SUPT3H: variants seen among roughly 807,000 people sequenced by gnomAD.
SUPT3H encodes transcription initiation protein SPT3 homolog.
A neutral mutation model predicts 44.3 loss-of-function variants in SUPT3H; 44 were observed. The observed-to-expected ratio is 0.99, with a 90% CI of 0.78 to 1.28. The LOEUF (loss-of-function observed/expected upper bound fraction) is 1.28. Ranked by LOEUF, SUPT3H falls within the 50% of genes most tolerant of loss-of-function variation. The pLI is 0.00. For synonymous variants in SUPT3H, 124 were observed against 125.6 expected, an observed-to-expected ratio of 0.99 and a Z score of 0.09; for missense variants, 380 against 387.1, an observed-to-expected ratio of 0.98 and a Z score of 0.15.
intron 2 of SUPT3H, among the ~76,000 whole-genome samples, chr6:45,296,352 G>A (rs952110168): frequency 1.2e-4 from 18 of 152,024 alleles, no homozygotes; most frequent in African/African-American, 4.3e-4. Flanking sequence ...CTAATAAGTG[G>A]GAGCTAAGCT....
At chr6:45,140,251 T>A (rs1804963048) in intron 2 of SUPT3H, among the ~76,000 whole-genome samples, 1 of 151,906 alleles carries the variant, frequency 6.6e-6, no homozygotes, top group Non-Finnish European at 1.5e-5. Context: ...CAGACCCACC[T>A]AAGCACGCCC....
chr6:44,866,863 A>C (rs951678525), intron 10 of SUPT3H, among the ~76,000 whole-genome samples: 1 of 152,234 alleles, frequency 6.6e-6, no homozygotes, highest in Non-Finnish European at 1.5e-5. Context: ...GTGTAAACAC[A>C]AATCATTACC....
chr6:45,072,241 T>G (rs1454142721), intron 3 of SUPT3H, among the ~76,000 whole-genome samples: 1 of 152,100 alleles, frequency 6.6e-6, no homozygotes, highest in African/African-American at 2.4e-5. Flanking sequence ...CACCAACTAT[T>G]TCATCAAACC....
intron 2 of SUPT3H, among the ~76,000 whole-genome samples, chr6:45,252,321 T>C (rs1216798250): frequency 2.6e-5 from 4 of 152,196 alleles, no homozygotes; most frequent in African/African-American, 9.6e-5. Context: ...AAATGAGTAA[T>C]GCACAATTTA....
intron 10 of SUPT3H, among the ~76,000 whole-genome samples, chr6:44,895,058 A>T (rs530155297): frequency 1.3e-5 from 2 of 152,162 alleles, no homozygotes; most frequent in East Asian, 3.9e-4. Flanking sequence ...TTACCATTCA[A>T]TACTTAAACA....
At chr6:45,119,257 G>C (rs555048985) in intron 2 of SUPT3H, among the ~76,000 whole-genome samples, 40 of 152,216 alleles carry the variant, frequency 2.6e-4, no homozygotes, top group African/African-American at 9.6e-4. Flanking sequence ...TAGTTACATA[G>C]TCATACTTTT....
At chr6:45,264,769 A>G (rs562995229) in intron 2 of SUPT3H, among the ~76,000 whole-genome samples, 1 of 152,164 alleles carries the variant, frequency 6.6e-6, no homozygotes, top group South Asian at 2.1e-4. Flanking sequence ...CCAAGAAAGG[A>G]AGGGAGGGAA....
At chr6:45,151,675 A>G (rs1460959814) in intron 2 of SUPT3H, among the ~76,000 whole-genome samples, 1 of 152,192 alleles carries the variant, frequency 6.6e-6, no homozygotes, top group Non-Finnish European at 1.5e-5. Flanking sequence ...TAAAAATGTA[A>G]TTCTAATTCA....
chr6:44,907,273 G>T (rs1244270179), intron 10 of SUPT3H, among the ~76,000 whole-genome samples: 1 of 152,160 alleles, frequency 6.6e-6, no homozygotes, highest in Non-Finnish European at 1.5e-5. Flanking sequence ...ATTGTTTAAA[G>T]GTGGGAAATG....
Position 45,101,600 on chromosome 6 carries a change from T to C in SUPT3H, c.186+4322A>G, listed in dbSNP as rs138630036. Among the ~76,000 whole-genome samples, 1,381 of 152,288 alleles carry C rather than the reference T, an allele frequency of 9.1e-3. 14 individuals are homozygous for C. Among genetic ancestry groups the C allele is most frequent in the South Asian group, 0.028 (137 of 4,820 alleles). On this transcript the variant is annotated intron_variant, in intron 3 of 10. Coordinates refer to ENST00000371459, the MANE Select transcript of SUPT3H (RefSeq NM_003599.4). ...CCATAGCATTATGTAGTGACTATAA[T>C]AGTAACAATTTATTGTATATTTCCA...
chr6:44,992,561 A>G (rs901650771), intron 6 of SUPT3H, among the ~76,000 whole-genome samples: 5 of 152,178 alleles, frequency 3.3e-5, no homozygotes, highest in African/African-American at 1.2e-4. Flanking sequence ...GATACTTGTG[A>G]ATATCAGATA....
chr6:45,209,340 G>A (rs1763718843), intron 2 of SUPT3H, among the ~76,000 whole-genome samples: 1 of 152,160 alleles, frequency 6.6e-6, no homozygotes, highest in Non-Finnish European at 1.5e-5. Flanking sequence ...CCTCTGGAAA[G>A]GAGTCACCAT....
chr6:44,894,817 T>C (rs903492871), intron 10 of SUPT3H, among the ~76,000 whole-genome samples: 56 of 151,876 alleles, frequency 3.7e-4, no homozygotes, highest in African/African-American at 1.3e-3. Flanking sequence ...TTAATAAGCA[T>C]GAGTGTTTCA....
intron 2 of SUPT3H, among the ~76,000 whole-genome samples, chr6:45,322,205 A>T (rs1785615425): frequency 6.6e-6 from 1 of 151,952 alleles, no homozygotes; most frequent in African/African-American, 2.4e-5. Flanking sequence ...ATTAAGCTGA[A>T]TAAAGTTTTA....
At chr6:44,844,517 A>C (rs541768347) in intron 10 of SUPT3H, among the ~76,000 whole-genome samples, 1 of 152,316 alleles carries the variant, frequency 6.6e-6, no homozygotes, top group South Asian at 2.1e-4. Context: ...AAAGAAACCA[A>C]ATGCGGTACA....
Position 45,170,420 on chromosome 6 carries a change from CT to C in SUPT3H, c.102-64415del, listed in dbSNP as rs374843439. On this transcript the variant is annotated intron_variant, in intron 2 of 10. Transcript: ENST00000371459. ...AAAGAGCATATCCCCACACTCCTTT[CT>C]ACAGAAAAACCTCTCTGCCCTCTCC... Among the ~76,000 whole-genome samples the C allele has an allele frequency of 2.0e-4, 30 of 152,312 alleles. No individual in the cohort carries two copies. In the East Asian group the frequency reaches 5.4e-3, roughly 27 times the overall value.
At chr6:45,123,370 A>C (rs1284995) in intron 2 of SUPT3H, among the ~76,000 whole-genome samples, 131,406 of 150,472 alleles carry the variant, frequency 0.87, 57,634 homozygotes, top group African/African-American at 0.92. Flanking sequence ...TGTATCATTT[A>C]TTTCTTTTTT....
chr6:45,192,338 T>C (rs568664383), intron 2 of SUPT3H, among the ~76,000 whole-genome samples: 2 of 152,188 alleles, frequency 1.3e-5, no homozygotes, highest in South Asian at 4.1e-4. Flanking sequence ...TTTTGACTTA[T>C]TAAAACGAAA....
At chr6:45,121,475 T>C (rs1465001647) in intron 2 of SUPT3H, among the ~76,000 whole-genome samples, 4 of 151,790 alleles carry the variant, frequency 2.6e-5, no homozygotes, top group Non-Finnish European at 5.9e-5. Context: ...GGAGTTTCCC[T>C]TTCCCCCACA....
Sources: gnomAD v4.1 joint callset for allele counts (sites outside exome capture counted in the v4.1 genomes callset) on GRCh38, gnomAD v4.1.1 for gene constraint, MANE v1.5 for transcripts, NCBI Gene and HGNC (gene_info 2026-07-23, HGNC 2026-07-21) for gene names.